The following ABRAXAS2 variants were observed in gnomAD, a reference collection of about 807,000 sequenced individuals.
ABRAXAS2 encodes the protein BRISC complex subunit Abraxas 2.
In ABRAXAS2, 23 loss-of-function variants were observed where a neutral mutation model predicts 49.0. That is an observed-to-expected ratio of 0.47 (90% confidence interval 0.34 to 0.66). The LOEUF (loss-of-function observed/expected upper bound fraction) is 0.66, where lower values mean the gene tolerates loss of function less well. Among genes scored for constraint, ABRAXAS2 ranks in the 30% least tolerant of loss-of-function variants. ABRAXAS2 has a pLI of 0.01. For missense variants in ABRAXAS2, 443 were observed against 511.9 expected (o/e 0.87, Z 1.30); for synonymous variants, 168 against 180.2 (o/e 0.93, Z 0.54).
Position 124,805,864 on chromosome 10 carries a change from C to G in ABRAXAS2, c.73-967C>G, listed in dbSNP as rs74160956. Reference sequence around the variant, plus strand: ...TTCAACCCTCTGTATAGGAAAGTTACTTTAGGATTTAGAGTATGTCTTCTC... The same window carrying G: ...TTCAACCCTCTGTATAGGAAAGTTAGTTTAGGATTTAGAGTATGTCTTCTC... On this transcript the variant is annotated intron_variant, in intron 1 of 8. Transcript: ENST00000298492. Among the ~76,000 whole-genome samples, 1,003 of 152,218 alleles carry G rather than the reference C, an allele frequency of 6.6e-3. 16 individuals are homozygous for G. The highest frequency in any genetic ancestry group is 0.023 in the African/African-American group (962 of 41,526).
chr10:124,809,527 C>T (rs1950771571), intron 2 of ABRAXAS2, among the ~76,000 whole-genome samples: 1 of 151,660 alleles, frequency 6.6e-6, no homozygotes, highest in African/African-American at 2.4e-5. Context: ...CTCAGGTGAT[C>T]CACCCGCTTT....
At chr10:124,833,943 CGTATAAGTGTATTATTATTTAAGGT>C (rs1283730265) in intron 8 of ABRAXAS2, among the ~76,000 whole-genome samples, 26 of 151,880 alleles carry the variant, frequency 1.7e-4, no homozygotes, top group Admixed American at 9.8e-4. Flanking sequence ...GCTATAAAGG[CGTATAAGTGTATTATTATTTAAGGT>C]GTATAAGTGT....
At chr10:124,813,934 A>G (rs1278283362) in intron 2 of ABRAXAS2, among the ~76,000 whole-genome samples, 1 of 152,208 alleles carries the variant, frequency 6.6e-6, no homozygotes, top group Non-Finnish European at 1.5e-5. Context: ...AAGATTCTGC[A>G]TCCTAATTAC....
chr10:124,804,548 G>A (rs1950727431), intron 1 of ABRAXAS2, among the ~76,000 whole-genome samples: 1 of 151,974 alleles, frequency 6.6e-6, no homozygotes, highest in Non-Finnish European at 1.5e-5. Flanking sequence ...TCTTTTGCTT[G>A]TGACAAGACA....
In ABRAXAS2 at chr10:124,834,745, A is replaced by T; in HGVS notation, c.1022A>T (p.Asn341Ile). Reference protein sequence around the residue: ...MPRPQAVGSSNYASTSAGLKY... With the variant: ...MPRPQAVGSSIYASTSAGLKY... ...CGACCTCAAGCTGTGGGCTCTTCCA[A>T]TTATGCTTCCACCAGTGCCGGACTG... is the stretch of plus-strand genomic sequence containing the variant. The change falls in exon 9 of 9, where the codon AAT becomes ATT. Residue 341 changes from asparagine (N) to isoleucine (I), a missense_variant. By Grantham distance (149) the Asn-to-Ile change is moderately radical. This residue lies in a region of ABRAXAS2 where 230 missense variants were observed against 237.0 expected (regional missense o/e 0.97). Coordinates refer to ENST00000298492, the MANE Select transcript of ABRAXAS2 (RefSeq NM_032182.4). The T allele has an allele frequency of 6.2e-7, 1 of 1,614,080 alleles. No homozygotes were observed. The highest frequency in any genetic ancestry group is 8.5e-7 in the Non-Finnish European group (1 of 1,180,016).
At chr10:124,819,285 G>C (rs1455172471) in intron 3 of ABRAXAS2, 99 bp from the exon 4 acceptor site, 1 of 895,732 alleles carries the variant, frequency 1.1e-6, no homozygotes, top group Non-Finnish European at 1.9e-6. Flanking sequence ...AAGGTGAGAA[G>C]TTAGGTCTTC....
At chr10:124,827,750 CA>C (rs11306353) in intron 5 of ABRAXAS2, among the ~76,000 whole-genome samples, 17,619 of 115,176 alleles carry the variant, frequency 0.15, 1,059 homozygotes, top group Admixed American at 0.2. Flanking sequence ...CTTGTTAAAC[CA>C]AAAAAAAAAA....
chr10:124,810,087 A>C (rs1950777236), intron 2 of ABRAXAS2, among the ~76,000 whole-genome samples: 1 of 152,110 alleles, frequency 6.6e-6, no homozygotes, highest in Admixed American at 6.6e-5. Context: ...TTTTAAGCTC[A>C]TCAGCTAGTG....
chr10:124,804,024 C>A (rs1238475601), intron 1 of ABRAXAS2, among the ~76,000 whole-genome samples: 1 of 152,080 alleles, frequency 6.6e-6, no homozygotes, highest in East Asian at 1.9e-4. Context: ...TAATCCAGAC[C>A]AGTAGATGTA....
intron 4 of ABRAXAS2, 71 bp downstream of exon 4, chr10:124,819,521 G>T: frequency 7.4e-7 from 1 of 1,359,108 alleles, no homozygotes; most frequent in Non-Finnish European, 1.0e-6. Flanking sequence ...AACCAGACAG[G>T]AATGTAAAAT....
intron 3 of ABRAXAS2, among the ~76,000 whole-genome samples, chr10:124,818,985 A>G (rs72843429): frequency 1.3e-5 from 2 of 152,336 alleles, no homozygotes; most frequent in Non-Finnish European, 2.9e-5. Context: ...TAGGCAGCCC[A>G]ATGTCTTCTT....
At chr10:124,820,919 T>C (rs1479416042) in intron 4 of ABRAXAS2, among the ~76,000 whole-genome samples, 1 of 152,144 alleles carries the variant, frequency 6.6e-6, no homozygotes, top group Non-Finnish European at 1.5e-5. Flanking sequence ...TTTATTTGTA[T>C]TTATTTATTT....
At chr10:124,818,586 G>A (rs1950840652) in intron 3 of ABRAXAS2, among the ~76,000 whole-genome samples, 1 of 152,090 alleles carries the variant, frequency 6.6e-6, no homozygotes, top group Non-Finnish European at 1.5e-5. Context: ...TTCCAAGTCA[G>A]TGGCTTTTTT....
chr10:124,804,938 T>C (rs1354183477), intron 1 of ABRAXAS2, among the ~76,000 whole-genome samples: 1 of 151,898 alleles, frequency 6.6e-6, no homozygotes, highest in Non-Finnish European at 1.5e-5. Context: ...GGTCTCAAAC[T>C]CCTGACCTCA....
At chr10:124,819,548 A>T in intron 4 of ABRAXAS2, 98 bp downstream of exon 4, 1 of 1,135,042 alleles carries the variant, frequency 8.8e-7, no homozygotes, top group Non-Finnish European at 1.3e-6. Context: ...ATAAGATTTC[A>T]TGTTAATATG....
rs1374377966 is a variant in ABRAXAS2 at position 124,810,681 on chromosome 10, C to T, written c.163+3760C>T. Reference sequence around the variant, plus strand: ...CACTGCAGCCTCCACCTCCTGGGTTCGAGTGATTGTCCTGCTTCAGCCTCC... The same window carrying T: ...CACTGCAGCCTCCACCTCCTGGGTTTGAGTGATTGTCCTGCTTCAGCCTCC... On this transcript the variant is annotated intron_variant, in intron 2 of 8. Coordinates refer to ENST00000298492, the MANE Select transcript of ABRAXAS2 (RefSeq NM_032182.4). Among the ~76,000 whole-genome samples, 5 of 150,190 alleles carry T rather than the reference C, an allele frequency of 3.3e-5. No individual in the cohort carries two copies. In the East Asian group the frequency reaches 1.0e-3, roughly 30 times the overall value.
In ABRAXAS2 at chr10:124,812,635, C is replaced by G. The variant is rs142547522; in HGVS notation, c.164-3941C>G. On this transcript the variant is annotated intron_variant, in intron 2 of 8. Coordinates refer to ENST00000298492, the MANE Select transcript of ABRAXAS2 (RefSeq NM_032182.4). ...TCCAGCCTGGGTGATAGAGCAAGAC[C>G]TTGTCTCAAAAATAAATAAATAAAT... is the stretch of plus-strand genomic sequence containing the variant. Among the ~76,000 whole-genome samples the G allele has an allele frequency of 5.0e-3, 755 of 151,236 alleles. 8 individuals are homozygous for G. The highest frequency in any genetic ancestry group is 0.017 in the African/African-American group (703 of 41,166).
At chr10:124,806,164 G>C (rs1218637901) in intron 1 of ABRAXAS2, among the ~76,000 whole-genome samples, 1 of 151,178 alleles carries the variant, frequency 6.6e-6, no homozygotes, top group Non-Finnish European at 1.5e-5. Context: ...AAATTAGCCA[G>C]GCATGGTGGC....
chr10:124,806,968 T>A lies in ABRAXAS2; in HGVS notation c.163+47T>A. The A allele has an allele frequency of 1.5e-6, 2 of 1,328,128 alleles. 1 individual carries two copies. Among genetic ancestry groups the A allele is most frequent in the Non-Finnish European group, 2.1e-6 (2 of 931,028 alleles). 82.3% of individuals were successfully genotyped at this position (1,328,128 alleles called of 1,614,324 possible). A position where few individuals can be genotyped will look rare whatever the true frequency, so the allele number is the denominator to read the frequency against. On this transcript the variant is annotated intron_variant, in intron 2 of 8. Coordinates refer to ENST00000298492, the MANE Select transcript of ABRAXAS2 (RefSeq NM_032182.4). ...CTTAGAAATATCTTTTTTGTATATT[T>A]ACTTAATGTTTGTTTTGTTGTTTTG...
Sources: gnomAD v4.1 joint callset for allele counts (sites outside exome capture counted in the v4.1 genomes callset) on GRCh38, gnomAD v4.1.1 for gene constraint, gnomAD v4.1.1 regional missense constraint, MANE v1.5 for transcripts, NCBI Gene and HGNC (gene_info 2026-07-23, HGNC 2026-07-21) for gene names.